The following PDZD2 variants were observed in gnomAD, a reference collection of about 807,000 sequenced individuals.
The protein encoded by PDZD2 is PDZ domain-containing protein 2.
PDZD2 carries 90 observed loss-of-function variants against 220.7 expected under a neutral mutation model. The observed-to-expected ratio is 0.41, with a 90% CI of 0.34 to 0.49. The LOEUF is 0.49. PDZD2 is among the 20% of genes least tolerant of loss of function. PDZD2 has a pLI of 0.28. For missense variants in PDZD2, 3,174 were observed against 3,608.5 expected, an observed-to-expected ratio of 0.88 and a Z score of 3.08; for synonymous variants, 1,375 against 1,450.5, an observed-to-expected ratio of 0.95 and a Z score of 1.18.
At chr5:31,969,043 A>C (rs754730147) in intron 2 of PDZD2, among the ~76,000 whole-genome samples, 1 of 152,166 alleles carries the variant, frequency 6.6e-6, no homozygotes, top group Non-Finnish European at 1.5e-5. Context: ...TGGAGGTGGA[A>C]GGGGCCACCA....
chr5:32,044,667 A>G (rs1737755907), intron 7 of PDZD2, among the ~76,000 whole-genome samples: 4 of 152,234 alleles, frequency 2.6e-5, no homozygotes, highest in Admixed American at 2.6e-4. Flanking sequence ...TCAGTCCAAC[A>G]GAGTTTGTCA....
At chr5:31,975,165 G>A (rs951213860) in intron 2 of PDZD2, among the ~76,000 whole-genome samples, 14 of 152,190 alleles carry the variant, frequency 9.2e-5, no homozygotes, top group African/African-American at 2.7e-4. Context: ...TGCTAATAAA[G>A]ACACACCCGA....
At chr5:31,826,823 G>A (rs751831171) in intron 2 of PDZD2, among the ~76,000 whole-genome samples, 24 of 152,128 alleles carry the variant, frequency 1.6e-4, no homozygotes, top group Non-Finnish European at 2.4e-4. Flanking sequence ...GGTAAGAGGC[G>A]AGTATTATTA....
intron 1 of PDZD2, among the ~76,000 whole-genome samples, chr5:31,650,022 G>T (rs1745292044): frequency 1.3e-5 from 2 of 149,006 alleles, no homozygotes; most frequent in Non-Finnish European, 3.0e-5. Context: ...AAAAAGAAAT[G>T]ATATTCTTAG....
At chr5:31,721,935 GT>G (rs1218374656) in intron 1 of PDZD2, among the ~76,000 whole-genome samples, 1 of 152,012 alleles carries the variant, frequency 6.6e-6, no homozygotes, top group Admixed American at 6.6e-5. Context: ...GCATCCCTTA[GT>G]AATTGGCTTA....
At chr5:31,939,283 T>C (rs548297418) in intron 2 of PDZD2, among the ~76,000 whole-genome samples, 1 of 152,304 alleles carries the variant, frequency 6.6e-6, no homozygotes, top group African/African-American at 2.4e-5. Context: ...CAACCTGCTG[T>C]TCCTGTATGC....
intron 5 of PDZD2, among the ~76,000 whole-genome samples, chr5:32,004,485 G>A (rs1752655322): frequency 6.6e-6 from 1 of 152,214 alleles, no homozygotes; most frequent in Non-Finnish European, 1.5e-5. Context: ...GTGCTACTTG[G>A]GAGGCTGAAG....
At chr5:32,096,354 T>C (rs2111625235) in intron 21 of PDZD2, among the ~76,000 whole-genome samples, 1 of 152,208 alleles carries the variant, frequency 6.6e-6, no homozygotes, top group Admixed American at 6.5e-5. Flanking sequence ...CCTCACTCCA[T>C]CACCCAGGCT....
chr5:31,702,769 A>C (rs940677852), intron 1 of PDZD2, among the ~76,000 whole-genome samples: 2 of 152,244 alleles, frequency 1.3e-5, no homozygotes, highest in African/African-American at 2.4e-5. Flanking sequence ...TCAGAGTCGA[A>C]TGAGTGTGTT....
intron 2 of PDZD2, chr5:31,822,971 G>A (rs1561486547): frequency 6.2e-6 from 7 of 1,130,572 alleles, no homozygotes; most frequent in African/African-American, 4.6e-5. Context: ...TTGTCAACCC[G>A]GGGCCTCTTT....
At chr5:32,022,286 C>T (rs1321364403) in intron 6 of PDZD2, among the ~76,000 whole-genome samples, 3 of 150,556 alleles carry the variant, frequency 2.0e-5, no homozygotes, top group Admixed American at 2.0e-4. Flanking sequence ...CAACCTCTAC[C>T]TCCCGGGTTC....
chr5:32,008,178 C>T (rs531618777), intron 5 of PDZD2, among the ~76,000 whole-genome samples: 1 of 141,498 alleles, frequency 7.1e-6, no homozygotes, highest in South Asian at 2.3e-4. Flanking sequence ...TAAATGGAGT[C>T]TTATTCCATG....
chr5:31,804,848 T>A (rs1754618166), intron 2 of PDZD2, among the ~76,000 whole-genome samples: 1 of 152,190 alleles, frequency 6.6e-6, no homozygotes, highest in Non-Finnish European at 1.5e-5. Context: ...ATAAGGTTTC[T>A]TTTCTACCTG....
intron 2 of PDZD2, among the ~76,000 whole-genome samples, chr5:31,821,006 A>G (rs1444288506): frequency 6.6e-6 from 1 of 151,732 alleles, no homozygotes; most frequent in Admixed American, 6.6e-5. Context: ...CATCTGCAGC[A>G]CTGGATATGC....
chr5:32,108,943 C>CAACA lies in PDZD2; in HGVS notation c.*809_*812dup, dbSNP rs1017474402. The CAACA allele has an allele frequency of 2.0e-5, 3 of 152,608 alleles. No individual in the cohort carries two copies. Among genetic ancestry groups the CAACA allele is most frequent in the Non-Finnish European group, 2.9e-5 (2 of 68,042 alleles). 9.5% of individuals were successfully genotyped at this position (152,608 alleles called of 1,614,324 possible). A position where few individuals can be genotyped will look rare whatever the true frequency, so the allele number is the denominator to read the frequency against. On this transcript the variant is annotated 3_prime_UTR_variant, in exon 25 of 25. Coordinates refer to ENST00000438447, the MANE Select transcript of PDZD2 (RefSeq NM_178140.4). ...CACTGCTTAGAGGGAGCAGAAAGGT[C>CAACA]AACATCTAAAAGCACCTTACAACTA...
At chr5:31,674,370 T>C (rs551006121) in intron 1 of PDZD2, among the ~76,000 whole-genome samples, 150 of 152,312 alleles carry the variant, frequency 9.8e-4, no homozygotes, top group African/African-American at 3.6e-3. Flanking sequence ...CCTTTCTCCT[T>C]TGGAGGAACT....
intron 2 of PDZD2, chr5:31,840,564 T>A: frequency 1.5e-6 from 1 of 688,588 alleles, no homozygotes; most frequent in African/African-American, 1.8e-5. Flanking sequence ...CAAAATGTGC[T>A]TCTCTGCGTG....
Position 31,983,165 on chromosome 5 carries a change from G to A in PDZD2, c.487G>A (p.Glu163Lys), listed in dbSNP as rs1750433704. 1.2e-6 allele frequency: 2 copies of A among 1,612,634 alleles called. No individual in the cohort carries two copies. The highest frequency in any genetic ancestry group is 2.7e-5 in the African/African-American group (2 of 74,896). The change falls in exon 3 of 25, where the codon GAG becomes AAG. Residue 163 changes from glutamate (E) to lysine (K), a missense_variant. Transcript: ENST00000438447. The stretch of plus-strand genomic sequence containing the variant: ...CTCTGTCTGTTGCAGTTACCTGGCT[G>A]AGCAGTGCTGGAATGGCGGCTTTAT... ...VDVSGASYLA[E>K]QCWNGGFIYL...
chr5:32,088,938 C>G lies in PDZD2; in HGVS notation c.5490C>G (p.Pro1830=). The change falls in exon 20 of 25, where the codon CCC becomes CCG. Residue 1830 remains proline, a synonymous_variant. Transcript: ENST00000438447. This position sits in a 1 kb window ranked among gnomAD's most constrained non-coding sequence, Gnocchi z 4.6. ...KEQPLMPARS[P]DSKIQMVSSS... ...AACCTCTAATGCCTGCCAGAAGTCC[C>G]GACTCCAAGATTCAGATGGTGAGTT... 6.2e-7 allele frequency: 1 copy of G among 1,613,804 alleles called. No individual in the cohort carries two copies. The highest frequency in any genetic ancestry group is 8.5e-7 in the Non-Finnish European group (1 of 1,179,960).
Sources: allele counts gnomAD v4.1 joint callset (sites outside exome capture counted in the v4.1 genomes callset), GRCh38; gene constraint gnomAD v4.1.1; non-coding constraint Gnocchi (gnomAD v3.1); transcripts MANE v1.5; gene names NCBI Gene and HGNC (gene_info 2026-07-23, HGNC 2026-07-21).